DBF4B: variants seen among roughly 807,000 people sequenced by gnomAD.
DBF4B encodes protein DBF4 homolog B.
DBF4B carries 49 observed loss-of-function variants against 53.4 expected under a neutral mutation model. The ratio of observed to expected loss-of-function variants is 0.92; its 90% CI spans 0.73 to 1.16. DBF4B has a LOEUF of 1.16. Ranked by LOEUF, DBF4B falls within the 50% of genes most tolerant of loss-of-function variation. The probability of loss-of-function intolerance (pLI) is 0.00; values close to 1 mark genes in which losing one functional copy is unlikely to be tolerated. For missense variants in DBF4B, 692 were observed against 775.0 expected (o/e 0.89, Z 1.27); for synonymous variants, 257 against 288.7 (o/e 0.89, Z 1.11).
chr17:44,729,833 C>G, intron 3 of DBF4B, 72 bp from the exon 4 acceptor site: 1 of 1,531,970 alleles, frequency 6.5e-7, no homozygotes, highest in Non-Finnish European at 8.8e-7. Context: ...AGATTTCCTT[C>G]TCCAGCCTCT....
intron 9 of DBF4B, 73 bp from the exon 10 acceptor site, chr17:44,741,263 G>A (rs1169914556): frequency 1.9e-6 from 2 of 1,058,104 alleles, no homozygotes; most frequent in Non-Finnish European, 1.5e-6. Flanking sequence ...GAATTCTAGG[G>A]CATTGGGCGA....
chr17:44,749,258 G>T lies in DBF4B; in HGVS notation c.1189+793G>T. The T allele has an allele frequency of 7.7e-7, 1 of 1,290,532 alleles. No homozygotes were observed. The highest frequency in any genetic ancestry group is 1.2e-5 in the South Asian group (1 of 81,788). 79.9% of individuals were successfully genotyped at this position (1,290,532 alleles called of 1,614,324 possible). ...CCCTGTCTCCCTGTCTCCCAGCCCT[G>T]GTCCCAACCCCAGCCCCAGCCCCAG... On this transcript the variant is annotated intron_variant, in intron 13 of 13. Coordinates refer to ENST00000315005, the MANE Select transcript of DBF4B (RefSeq NM_145663.3). The surrounding 1 kb of genome is among the most constrained non-coding windows in gnomAD (Gnocchi z 4.4).
intron 3 of DBF4B, among the ~76,000 whole-genome samples, chr17:44,725,990 TTTTC>T (rs1346617858): frequency 6.6e-6 from 1 of 150,826 alleles, no homozygotes; most frequent in Non-Finnish European, 1.5e-5. Context: ...TACTGGCCCT[TTTTC>T]TTTCTTTTTT....
chr17:44,730,146 C>T (rs771967212), intron 4 of DBF4B, 50 bp downstream of exon 4: 2 of 1,570,582 alleles, frequency 1.3e-6, no homozygotes, highest in South Asian at 2.3e-5. Context: ...AGGAAGTAGG[C>T]TTTGGTGAGC....
At position 44,730,954 on chromosome 17, in the gene DBF4B, G is replaced by A; in HGVS notation, c.418-11G>A. The A allele has an allele frequency of 6.2e-7, 1 of 1,613,742 alleles. No individual in the cohort carries two copies. Reference sequence around the variant, plus strand: ...TAACAGCAGACCTCACTGCTCTTCTGTCCCTGTCAGGTGCCTCTAAGCAGA... The same window carrying A: ...TAACAGCAGACCTCACTGCTCTTCTATCCCTGTCAGGTGCCTCTAAGCAGA... On this transcript the variant is annotated splice_polypyrimidine_tract_variant and intron_variant, in intron 4 of 13. Transcript: ENST00000315005.
At chr17:44,718,696 G>C (rs553308117) in intron 2 of DBF4B, among the ~76,000 whole-genome samples, 187 of 152,100 alleles carry the variant, frequency 1.2e-3, no homozygotes, top group African/African-American at 4.3e-3. Flanking sequence ...ATTAAAAGTG[G>C]TGTCTGCTAG....
intron 6 of DBF4B, 48 bp downstream of exon 6, chr17:44,732,313 G>A (rs1427416310): frequency 6.3e-7 from 1 of 1,593,642 alleles, no homozygotes; most frequent in Admixed American, 1.7e-5. Flanking sequence ...TGGTGACTTT[G>A]ACCAGGAGTG....
At chr17:44,719,599 A>G (rs189987584) in intron 2 of DBF4B, among the ~76,000 whole-genome samples, 1 of 152,292 alleles carries the variant, frequency 6.6e-6, no homozygotes, top group Admixed American at 6.5e-5. Flanking sequence ...CAGTTTATCC[A>G]TGTGGTGCCA....
rs760524347 is a variant in DBF4B, at chr17:44,730,059, G to T, written c.380G>T (p.Gly127Val). ...ACATCGGCCATGGTTGATCCAAAAG[G>T]CAGCCACCCCAGGCCTTCACGGAAA... is the stretch of plus-strand genomic sequence containing the variant. ...VETSAMVDPK[G>V]SHPRPSRKPV... Residue 127 changes from glycine to valine, a missense_variant, in exon 4 of 14, where the codon GGC becomes GTC. Physicochemically the swap from Gly to Val is moderately radical, Grantham distance 109. This residue lies in a region of DBF4B where 597 missense variants were observed against 665.8 expected (regional missense o/e 0.90). Coordinates refer to ENST00000315005, the MANE Select transcript of DBF4B (RefSeq NM_145663.3). 6.2e-7 allele frequency: 1 copy of T among 1,612,906 alleles called. No homozygotes were observed. The highest frequency in any genetic ancestry group is 1.1e-5 in the South Asian group (1 of 91,016).
chr17:44,727,687 A>G (rs1974476554), intron 3 of DBF4B, among the ~76,000 whole-genome samples: 1 of 152,020 alleles, frequency 6.6e-6, no homozygotes, highest in African/African-American at 2.4e-5. Context: ...TAAAGCAACA[A>G]TTTATTTTCT....
chr17:44,735,442 G>T (rs901035519), intron 7 of DBF4B, among the ~76,000 whole-genome samples: 1 of 152,210 alleles, frequency 6.6e-6, no homozygotes, highest in Non-Finnish European at 1.5e-5. Context: ...GGAGACCGAG[G>T]CAGGTGAATC....
At chr17:44,741,774 ACCCCTGGCCTGCACTGTTTCCCCCAGAG>A (rs1262480118) in intron 10 of DBF4B, among the ~76,000 whole-genome samples, 1 of 152,068 alleles carries the variant, frequency 6.6e-6, no homozygotes, top group African/African-American at 2.4e-5. Flanking sequence ...TCCGCCCAGA[ACCCCTGGCCTGCACTGTTTCCCCCAGAG>A]CATGGACCAT....
At chr17:44,739,308 A>T (rs1488770609) in intron 9 of DBF4B, among the ~76,000 whole-genome samples, 3 of 152,238 alleles carry the variant, frequency 2.0e-5, no homozygotes, top group East Asian at 1.9e-4. Context: ...GACTAAATAA[A>T]TTTTTTAAAG....
chr17:44,749,642 G>A lies in DBF4B; in HGVS notation c.1190-953G>A, dbSNP rs1005924983. On this transcript the variant is annotated intron_variant, in intron 13 of 13. Coordinates refer to ENST00000315005, the MANE Select transcript of DBF4B (RefSeq NM_145663.3). The surrounding 1 kb of genome is among the most constrained non-coding windows in gnomAD (Gnocchi z 4.4). ...TTCCTGACCAGGCAGAGTCTACAGTGGGCTTGCCCAGCTGAGGCTGGCCGC... is the reference window on the plus strand; with the variant it reads ...TTCCTGACCAGGCAGAGTCTACAGTAGGCTTGCCCAGCTGAGGCTGGCCGC... 7 of 1,176,476 alleles carry A rather than the reference G, an allele frequency of 5.9e-6. No individual in the cohort carries two copies. In the East Asian group the frequency reaches 4.2e-4, roughly 70 times the overall value. 72.9% of individuals were successfully genotyped at this position (1,176,476 alleles called of 1,614,324 possible).
chr17:44,708,881 C>G (rs1051400154), intron 1 of DBF4B, 42 bp downstream of exon 1: 2 of 1,547,812 alleles, frequency 1.3e-6, no homozygotes, highest in Non-Finnish European at 1.7e-6. Context: ...CGGAAGGGGT[C>G]GTTAATAGCT....
Position 44,751,451 on chromosome 17 carries a change from A to C in DBF4B, c.*198A>C. On this transcript the variant is annotated 3_prime_UTR_variant, in exon 14 of 14. Transcript: ENST00000315005. ...ATCTTGCAGTCAGTCCCTTTTCAAC[A>C]TGTTGCCGTTTCTTTCTGAAGAGGT... 1 of 1,413,202 alleles carries C rather than the reference A, an allele frequency of 7.1e-7. No individual in the cohort carries two copies. Among genetic ancestry groups the C allele is most frequent in the South Asian group, 1.6e-5 (1 of 61,028 alleles). 87.5% of individuals were successfully genotyped at this position (1,413,202 alleles called of 1,614,324 possible).
At chr17:44,721,372 C>A (rs553829929) in intron 2 of DBF4B, among the ~76,000 whole-genome samples, 1 of 151,886 alleles carries the variant, frequency 6.6e-6, no homozygotes, top group Non-Finnish European at 1.5e-5. Flanking sequence ...GTGTGTACCA[C>A]CATGCCCAGC....
At chr17:44,750,331 A>G in intron 13 of DBF4B, 1 of 1,263,378 alleles carries the variant, frequency 7.9e-7, no homozygotes, top group Non-Finnish European at 1.0e-6. Context: ...GTCTCTTTAA[A>G]TGTTGAAGCT....
At chr17:44,732,482 T>A in intron 6 of DBF4B, 1 of 547,940 alleles carries the variant, frequency 1.8e-6, no homozygotes, top group Non-Finnish European at 3.3e-6. Flanking sequence ...CCGCAGGAGG[T>A]CCCTAGAACA....
Sources: allele counts gnomAD v4.1 joint callset (sites outside exome capture counted in the v4.1 genomes callset), GRCh38; gene constraint gnomAD v4.1.1; regional missense constraint gnomAD v4.1.1; non-coding constraint Gnocchi (gnomAD v3.1); transcripts MANE v1.5; gene names NCBI Gene and HGNC (gene_info 2026-07-23, HGNC 2026-07-21).